Variants in GFRA2 observed in about 807,000 individuals in gnomAD.
GFRA2 encodes the protein GDNF family receptor alpha 2, also known as GDNF family receptor alpha-2.
In GFRA2, 17 loss-of-function variants were observed where a neutral mutation model predicts 48.3. The ratio of observed to expected loss-of-function variants is 0.35; its 90% CI spans 0.24 to 0.53. GFRA2 has a LOEUF of 0.53. Ranked by LOEUF, GFRA2 falls within the 20% of genes least tolerant of loss-of-function variation. The probability of loss-of-function intolerance (pLI) is 0.93; values close to 1 mark genes in which losing one functional copy is unlikely to be tolerated. For synonymous variants in GFRA2, 305 were observed against 257.2 expected (o/e 1.19, Z -1.78); for missense variants, 660 against 637.3 (o/e 1.04, Z -0.38).
chr8:21,785,364 A>C (rs1020343806), intron 1 of GFRA2, among the ~76,000 whole-genome samples: 2 of 152,002 alleles, frequency 1.3e-5, no homozygotes, highest in African/African-American at 2.4e-5. Flanking sequence ...TCACCAAACC[A>C]TCCTTGACTC....
chr8:21,798,520 C>T (rs1466490816), intron 2 of GFRA2, among the ~76,000 whole-genome samples: 10 of 152,250 alleles, frequency 6.6e-5, no homozygotes, highest in African/African-American at 1.9e-4. Context: ...TTCAGCCACC[C>T]GCTCTGCCAC....
intron 2 of GFRA2, among the ~76,000 whole-genome samples, chr8:21,803,729 T>C (rs1807809895): frequency 1.3e-5 from 2 of 152,174 alleles, no homozygotes; most frequent in East Asian, 1.9e-4. Context: ...AACTCCTATG[T>C]GCAAATGATC....
In GFRA2 at chr8:21,725,638, A is replaced by G. The variant is rs537929913; in HGVS notation, c.795-19597T>C. 3.7e-4 allele frequency among the ~76,000 whole-genome samples: 57 copies of G among 152,354 alleles called. No individual in the cohort carries two copies. The South Asian group carries it at 0.011, about 30-fold the overall frequency. Reference sequence around the variant, plus strand: ...GCACTCTAAAAGCATTAGTGCATTTAATCCTCATGAACACCCTGAGATACA... The same window carrying G: ...GCACTCTAAAAGCATTAGTGCATTTGATCCTCATGAACACCCTGAGATACA... On this transcript the variant is annotated intron_variant, in intron 4 of 8. Transcript: ENST00000524240.
intron 3 of GFRA2, among the ~76,000 whole-genome samples, chr8:21,755,748 G>A (rs1805536591): frequency 6.6e-6 from 1 of 152,246 alleles, no homozygotes; most frequent in African/African-American, 2.4e-5. Context: ...GAGGGGAGCA[G>A]GTGCAATCGC....
chr8:21,806,438 A>G (rs1268626889), intron 1 of GFRA2, among the ~76,000 whole-genome samples: 1 of 152,164 alleles, frequency 6.6e-6, no homozygotes, highest in Non-Finnish European at 1.5e-5. Context: ...AGGCTAGACT[A>G]AGCTATGATT....
chr8:21,718,689 G>T (rs1325204214), intron 4 of GFRA2, among the ~76,000 whole-genome samples: 1 of 152,152 alleles, frequency 6.6e-6, no homozygotes, highest in East Asian at 1.9e-4. Flanking sequence ...ATAGGGCCAC[G>T]CAACAAGGGT....
At chr8:21,797,231 T>A (rs1367760434) in intron 2 of GFRA2, among the ~76,000 whole-genome samples, 1 of 150,852 alleles carries the variant, frequency 6.6e-6, no homozygotes, top group African/African-American at 2.4e-5. Context: ...GCATTCTACA[T>A]CACAGATAAC....
At chr8:21,703,513 C>A (rs1035908047) in intron 6 of GFRA2, among the ~76,000 whole-genome samples, 8 of 152,108 alleles carry the variant, frequency 5.3e-5, no homozygotes, top group Admixed American at 1.3e-4. Context: ...AGAGAGGTGC[C>A]CAGAAAATCT....
intron 7 of GFRA2, among the ~76,000 whole-genome samples, chr8:21,695,544 G>A (rs1802119675): frequency 6.6e-6 from 1 of 152,136 alleles, no homozygotes; most frequent in African/African-American, 2.4e-5. Flanking sequence ...TGCCAATGGT[G>A]GAGATAGGAC....
At chr8:21,730,550 G>T (rs1198076553) in intron 4 of GFRA2, among the ~76,000 whole-genome samples, 1 of 152,184 alleles carries the variant, frequency 6.6e-6, no homozygotes, top group Non-Finnish European at 1.5e-5. Flanking sequence ...CAATGCAGAA[G>T]GAGAGACCCT....
intron 4 of GFRA2, among the ~76,000 whole-genome samples, chr8:21,728,620 G>A (rs975586780): frequency 8.5e-5 from 13 of 152,090 alleles, no homozygotes; most frequent in African/African-American, 3.1e-4. Context: ...GAGATGTGGC[G>A]TCCATGGACC....
chr8:21,767,889 C>T (rs1585320172), intron 3 of GFRA2, among the ~76,000 whole-genome samples: 3 of 152,368 alleles, frequency 2.0e-5, no homozygotes, highest in South Asian at 4.1e-4. Context: ...GTCACCAACA[C>T]CCTGCTCACA....
At chr8:21,753,580 T>C (rs967313531) in intron 3 of GFRA2, among the ~76,000 whole-genome samples, 3 of 151,358 alleles carry the variant, frequency 2.0e-5, no homozygotes, top group Non-Finnish European at 4.4e-5. Context: ...GATCACACCA[T>C]TGCACACCAG....
At chr8:21,771,879 G>T (rs1272694553) in intron 3 of GFRA2, among the ~76,000 whole-genome samples, 1 of 152,132 alleles carries the variant, frequency 6.6e-6, no homozygotes, top group Non-Finnish European at 1.5e-5. Flanking sequence ...TGAGTTGGGT[G>T]GGGAGGGGCT....
chr8:21,791,403 C>G (rs1441366176), upstream of GFRA2, among the ~76,000 whole-genome samples: 1 of 152,140 alleles, frequency 6.6e-6, no homozygotes, highest in Non-Finnish European at 1.5e-5. Flanking sequence ...GCAGGGCACT[C>G]TGACCTTGGA....
intron 4 of GFRA2, among the ~76,000 whole-genome samples, chr8:21,724,349 T>C (rs1228327290): frequency 6.6e-6 from 1 of 151,940 alleles, no homozygotes; most frequent in African/African-American, 2.4e-5. Flanking sequence ...TGCGGGGCTG[T>C]TGAGAAGAGC....
chr8:21,696,941 AAGG>A (rs1802209570), intron 7 of GFRA2, among the ~76,000 whole-genome samples: 2 of 114,350 alleles, frequency 1.7e-5, no homozygotes, highest in African/African-American at 6.8e-5. Flanking sequence ...GGGACAGAGG[AAGG>A]GGGAGGGGAC....
At chr8:21,774,089 C>T (rs917414405) in intron 3 of GFRA2, among the ~76,000 whole-genome samples, 1 of 152,142 alleles carries the variant, frequency 6.6e-6, no homozygotes, top group Non-Finnish European at 1.5e-5. Context: ...TCCCTGAGAA[C>T]AAGCCCCACT....
chr8:21,738,313 G>A (rs188119488), intron 4 of GFRA2, among the ~76,000 whole-genome samples: 39 of 149,002 alleles, frequency 2.6e-4, no homozygotes, highest in Non-Finnish European at 4.4e-4. Flanking sequence ...AAGCTCCCCC[G>A]TTCACTGTCT....
Sources: gnomAD v4.1 joint callset for allele counts (sites outside exome capture counted in the v4.1 genomes callset) on GRCh38, gnomAD v4.1.1 for gene constraint, MANE v1.5 for transcripts, NCBI Gene and HGNC (gene_info 2026-07-23, HGNC 2026-07-21) for gene names.